The following MYO9A variants were observed in gnomAD, a reference collection of about 807,000 sequenced individuals.
MYO9A encodes the protein unconventional myosin-IXa.
A neutral mutation model predicts 293.3 loss-of-function variants in MYO9A; 103 were observed. That is an observed-to-expected ratio of 0.35 (90% CI 0.30 to 0.41). MYO9A has a LOEUF of 0.41. Among genes scored for constraint, MYO9A ranks in the 10% least tolerant of loss-of-function variants. The probability of loss-of-function intolerance (pLI) is 1.00; values close to 1 mark genes in which losing one functional copy is unlikely to be tolerated. For synonymous variants in MYO9A, 1,001 were observed against 1,035.7 expected (o/e 0.97, Z 0.64); for missense variants, 2,685 against 3,033.0 (o/e 0.89, Z 2.69).
At chr15:71,937,027 A>G (rs1351860312) in intron 16 of MYO9A, among the ~76,000 whole-genome samples, 1 of 143,388 alleles carries the variant, frequency 7.0e-6, no homozygotes, top group African/African-American at 2.5e-5. Flanking sequence ...GCAGGAAGGA[A>G]GGAAAAACGA....
chr15:72,091,593 A>C (rs952379847), intron 1 of MYO9A, among the ~76,000 whole-genome samples: 4 of 152,170 alleles, frequency 2.6e-5, no homozygotes, highest in African/African-American at 9.7e-5. Flanking sequence ...TCTGAGCCTT[A>C]ATTTCTTCAT....
chr15:71,883,811 CT>C, intron 27 of MYO9A, 75 bp from the exon 28 acceptor site: 1 of 1,288,316 alleles, frequency 7.8e-7, no homozygotes, highest in Non-Finnish European at 1.1e-6. Context: ...TCACTTTAAG[CT>C]TTACAAATCT....
intron 15 of MYO9A, 108 bp downstream of exon 15, chr15:71,951,669 G>A (rs1446034204): frequency 2.3e-6 from 3 of 1,277,296 alleles, no homozygotes; most frequent in East Asian, 2.3e-5. Context: ...GAGGTTTATG[G>A]AGGCCATGTT....
Position 71,956,026 on chromosome 15 carries a change from G to T in MYO9A, c.2182+3875C>A, listed in dbSNP as rs200390277. ...ACTTCTTTGATATAATGAGAACCAG[G>T]CATGGTGGCTCGCACCTGTAATCCC... On this transcript the variant is annotated intron_variant, in intron 14 of 41. Transcript: ENST00000356056. Among the ~76,000 whole-genome samples, 11 of 151,936 alleles carry T rather than the reference G, an allele frequency of 7.2e-5. No homozygotes were observed. In the East Asian group the frequency reaches 2.1e-3, roughly 29 times the overall value.
At chr15:71,860,990 A>AAAAAAAAAAAAAAAAAAAAAAC in intron 33 of MYO9A, among the ~76,000 whole-genome samples, 1 of 150,952 alleles carries the variant, frequency 6.6e-6, no homozygotes, top group African/African-American at 2.4e-5. Context: ...AAAAAAAAAA[A>AAAAAAAAAAAAAAAAAAAAAAC]AAAATCAAAC....
intron 39 of MYO9A, among the ~76,000 whole-genome samples, chr15:71,842,716 C>T (rs953348311): frequency 8.6e-5 from 13 of 151,666 alleles, no homozygotes; most frequent in African/African-American, 2.7e-4. Context: ...AAAAATCAGC[C>T]GGGCGTGGTG....
At chr15:71,827,863 T>C (rs1255494541) in intron 41 of MYO9A, 21 bp downstream of exon 41, 2 of 1,594,172 alleles carry the variant, frequency 1.3e-6, no homozygotes, top group Admixed American at 1.8e-5. Flanking sequence ...CTGGAGTCTT[T>C]GGTCTACCAT....
intron 11 of MYO9A, among the ~76,000 whole-genome samples, chr15:71,987,990 T>C (rs2076447546): frequency 6.6e-6 from 1 of 152,116 alleles, no homozygotes; most frequent in African/African-American, 2.4e-5. Flanking sequence ...AACTCTAAGG[T>C]TTTTTATTTT....
At chr15:72,037,544 C>T in intron 2 of MYO9A, among the ~76,000 whole-genome samples, 1 of 152,104 alleles carries the variant, frequency 6.6e-6, no homozygotes, top group Non-Finnish European at 1.5e-5. Flanking sequence ...CACAGAACCT[C>T]ATAGTAAAGA....
intron 22 of MYO9A, among the ~76,000 whole-genome samples, chr15:71,902,361 T>C (rs931870715): frequency 1.1e-4 from 16 of 152,022 alleles, no homozygotes; most frequent in African/African-American, 3.9e-4. Context: ...ATAATTTTAA[T>C]ATTATGAGTA....
intron 2 of MYO9A, among the ~76,000 whole-genome samples, chr15:72,037,042 C>CAT (rs34386792): frequency 4.1e-5 from 6 of 147,584 alleles, no homozygotes; most frequent in Admixed American, 6.7e-5. Flanking sequence ...CCTCATCCTA[C>CAT]TTTTTTTTTT....
chr15:72,072,293 G>C (rs1256009783), intron 1 of MYO9A, among the ~76,000 whole-genome samples: 1 of 151,828 alleles, frequency 6.6e-6, no homozygotes, highest in Non-Finnish European at 1.5e-5. Context: ...CACCACGCCT[G>C]GCTAATTTTT....
chr15:72,001,155 G>T (rs1334471124), intron 8 of MYO9A, among the ~76,000 whole-genome samples: 1 of 152,086 alleles, frequency 6.6e-6, no homozygotes, highest in Non-Finnish European at 1.5e-5. Context: ...TCATGATGAT[G>T]GGCATGAAGT....
intron 27 of MYO9A, among the ~76,000 whole-genome samples, chr15:71,884,042 G>A (rs1567228415): frequency 6.6e-6 from 1 of 151,928 alleles, no homozygotes; most frequent in Non-Finnish European, 1.5e-5. Context: ...ACAAAGCAGT[G>A]GAGCTAGAAT....
At chr15:71,992,413 C>T (rs779691231) in intron 10 of MYO9A, among the ~76,000 whole-genome samples, 3 of 152,114 alleles carry the variant, frequency 2.0e-5, no homozygotes, top group Non-Finnish European at 2.9e-5. Flanking sequence ...CTAAGAGATA[C>T]AACGGGCAAA....
At chr15:71,859,353 A>G (rs1009452536) in intron 34 of MYO9A, among the ~76,000 whole-genome samples, 4 of 152,182 alleles carry the variant, frequency 2.6e-5, no homozygotes, top group African/African-American at 4.8e-5. Context: ...CATGCTGGTG[A>G]ATTTTGCTAC....
At chr15:72,074,248 C>T (rs968447779) in intron 1 of MYO9A, among the ~76,000 whole-genome samples, 1 of 152,098 alleles carries the variant, frequency 6.6e-6, no homozygotes, top group African/African-American at 2.4e-5. Flanking sequence ...ACTTAGAATA[C>T]CACCTTTTCA....
intron 19 of MYO9A, among the ~76,000 whole-genome samples, chr15:71,910,865 T>C (rs1386969208): frequency 6.6e-6 from 1 of 152,096 alleles, no homozygotes; most frequent in Non-Finnish European, 1.5e-5. Flanking sequence ...TACAAGTCCT[T>C]TTTTAGTCTT....
At chr15:71,976,024 A>T (rs2899776) in intron 12 of MYO9A, among the ~76,000 whole-genome samples, 100,959 of 152,020 alleles carry the variant, frequency 0.66, 34,244 homozygotes, top group Middle Eastern at 0.74. Context: ...GGGCAAATTA[A>T]TTGAACTCAA....
Sources: gnomAD v4.1 joint callset for allele counts (sites outside exome capture counted in the v4.1 genomes callset) on GRCh38, gnomAD v4.1.1 for gene constraint, MANE v1.5 for transcripts, NCBI Gene and HGNC (gene_info 2026-07-23, HGNC 2026-07-21) for gene names.